The following MAN1A1 variants were observed in gnomAD, a reference collection of about 807,000 sequenced individuals.
MAN1A1 encodes mannosidase alpha class 1A member 1.
A neutral mutation model predicts 70.8 loss-of-function variants in MAN1A1; 29 were observed. That is an observed-to-expected ratio of 0.41 (90% confidence interval 0.31 to 0.56). The LOEUF is 0.56. Ranked by LOEUF, MAN1A1 falls within the 20% of genes least tolerant of loss-of-function variation. The pLI, the probability that MAN1A1 is intolerant of heterozygous loss-of-function variation, is 0.29. For synonymous variants in MAN1A1, 349 were observed against 330.1 expected (o/e 1.06, Z -0.62); for missense variants, 747 against 841.3 (o/e 0.89, Z 1.39).
chr6:119,184,862 T>C (rs1773244734), intron 11 of MAN1A1, among the ~76,000 whole-genome samples: 1 of 152,106 alleles, frequency 6.6e-6, no homozygotes, highest in Admixed American at 6.5e-5. Flanking sequence ...GATGTTTAAA[T>C]GGAAGGAATT....
In MAN1A1 at chr6:119,179,815, C is replaced by CT. The variant is rs757267439; in HGVS notation, c.*3dup. 1.2e-6 allele frequency: 2 copies of CT among 1,609,728 alleles called. No homozygotes were observed. Among genetic ancestry groups the CT allele is most frequent in the South Asian group, 2.2e-5 (2 of 90,956 alleles). ...TGGAGCAGAATAAAATATAAAATGTCTTTTTATTCCTCTCTGATTTCAACT... is the reference window on the plus strand; with the variant it reads ...TGGAGCAGAATAAAATATAAAATGTCTTTTTTATTCCTCTCTGATTTCAACT... On this transcript the variant is annotated 3_prime_UTR_variant, in exon 13 of 13. Coordinates refer to ENST00000368468, the MANE Select transcript of MAN1A1 (RefSeq NM_005907.4).
intron 3 of MAN1A1, among the ~76,000 whole-genome samples, chr6:119,303,592 G>C (rs988382297): frequency 6.6e-6 from 1 of 151,944 alleles, no homozygotes; most frequent in Non-Finnish European, 1.5e-5. Flanking sequence ...GAACATTTAC[G>C]TAACTGTATA....
intron 2 of MAN1A1, among the ~76,000 whole-genome samples, chr6:119,346,492 G>T (rs149013425): frequency 7.6e-4 from 115 of 152,290 alleles, no homozygotes; most frequent in East Asian, 6.7e-3. Flanking sequence ...ACTGCTTTAT[G>T]CAAGACTGAG....
chr6:119,336,474 A>G (rs1473777064), intron 2 of MAN1A1, among the ~76,000 whole-genome samples: 1 of 152,206 alleles, frequency 6.6e-6, no homozygotes, highest in Non-Finnish European at 1.5e-5. Flanking sequence ...GTTGGGCAAT[A>G]CGAGAGAAGT....
At chr6:119,322,240 A>G (rs1036584920) in intron 2 of MAN1A1, among the ~76,000 whole-genome samples, 2 of 152,174 alleles carry the variant, frequency 1.3e-5, no homozygotes, top group African/African-American at 4.8e-5. Flanking sequence ...ACTGGTGTAC[A>G]GCTGTATGTC....
At chr6:119,306,531 G>A (rs1432071434) in intron 3 of MAN1A1, among the ~76,000 whole-genome samples, 1 of 152,152 alleles carries the variant, frequency 6.6e-6, no homozygotes, top group Non-Finnish European at 1.5e-5. Context: ...TAAAGGCACA[G>A]CTTTTACCTA....
intron 5 of MAN1A1, among the ~76,000 whole-genome samples, chr6:119,287,406 ATCT>A (rs1357150124): frequency 2.0e-5 from 3 of 152,132 alleles, no homozygotes; most frequent in African/African-American, 7.2e-5. Context: ...TACATGTGTC[ATCT>A]TCTCTTGCAA....
intron 2 of MAN1A1, among the ~76,000 whole-genome samples, chr6:119,346,547 G>A (rs968648892): frequency 3.9e-5 from 6 of 152,166 alleles, no homozygotes; most frequent in African/African-American, 1.4e-4. Flanking sequence ...CAGAGACTAC[G>A]TAAATCTCGT....
chr6:119,316,949 T>C (rs1772869988), intron 2 of MAN1A1, among the ~76,000 whole-genome samples: 1 of 147,654 alleles, frequency 6.8e-6, no homozygotes, highest in African/African-American at 2.6e-5. Context: ...ATTATTATTA[T>C]TCTTTTTTTT....
At chr6:119,335,439 C>T (rs993109845) in intron 2 of MAN1A1, among the ~76,000 whole-genome samples, 2 of 152,224 alleles carry the variant, frequency 1.3e-5, no homozygotes, top group Admixed American at 1.3e-4. Context: ...CTCTGCCATA[C>T]TGCCTCACAT....
chr6:119,236,649 A>G (rs924268381), intron 6 of MAN1A1, among the ~76,000 whole-genome samples: 1 of 150,026 alleles, frequency 6.7e-6, no homozygotes, highest in Non-Finnish European at 1.5e-5. Context: ...TGGAGGTTGC[A>G]GTGAGTCAAG....
chr6:119,247,039 T>C (rs1775186293), intron 6 of MAN1A1, among the ~76,000 whole-genome samples: 1 of 152,162 alleles, frequency 6.6e-6, no homozygotes, highest in African/African-American at 2.4e-5. Context: ...GGTGTAGATA[T>C]ATAATATACA....
At chr6:119,196,822 T>C (rs369145393) in intron 8 of MAN1A1, among the ~76,000 whole-genome samples, 201 of 152,284 alleles carry the variant, frequency 1.3e-3, no homozygotes, top group African/African-American at 4.6e-3. Context: ...AGACTAGATA[T>C]AGATAGATGG....
intron 5 of MAN1A1, among the ~76,000 whole-genome samples, chr6:119,260,060 A>G (rs1013003955): frequency 1.3e-5 from 2 of 152,184 alleles, no homozygotes; most frequent in African/African-American, 4.8e-5. Context: ...AATTTAATCT[A>G]CATTGTATAC....
At chr6:119,246,416 T>G (rs1240827266) in intron 6 of MAN1A1, among the ~76,000 whole-genome samples, 1 of 152,170 alleles carries the variant, frequency 6.6e-6, no homozygotes, top group African/African-American at 2.4e-5. Context: ...ATGAGAGGCA[T>G]ATGTTCATCG....
At chr6:119,254,247 T>G (rs554287528) in intron 5 of MAN1A1, among the ~76,000 whole-genome samples, 36 of 152,280 alleles carry the variant, frequency 2.4e-4, no homozygotes, top group African/African-American at 8.7e-4. Flanking sequence ...CTACTTCAAA[T>G]GGGGATAGGC....
chr6:119,201,241 T>C lies in MAN1A1; in HGVS notation c.1210+13A>G. 4 of 1,587,958 alleles carry C rather than the reference T, an allele frequency of 2.5e-6. No individual in the cohort carries two copies. Among genetic ancestry groups the C allele is most frequent in the Non-Finnish European group, 3.5e-6 (4 of 1,156,450 alleles). Reference sequence around the variant, plus strand: ...CCAAAAAGAGCTATAATAATGCAAATCTTCTGACTTACGTTGACCCCACTG... The same window carrying C: ...CCAAAAAGAGCTATAATAATGCAAACCTTCTGACTTACGTTGACCCCACTG... On this transcript the variant is annotated intron_variant, in intron 8 of 12. Transcript: ENST00000368468.
chr6:119,213,952 G>A (rs1484177965), intron 6 of MAN1A1, among the ~76,000 whole-genome samples: 2 of 152,080 alleles, frequency 1.3e-5, no homozygotes, highest in African/African-American at 2.4e-5. Context: ...TATTGCAAAT[G>A]TAATGAAATG....
chr6:119,290,782 C>T lies in MAN1A1; in HGVS notation c.817-19G>A. ...CAGCATTCTATGGAAAAAAAAAATTCAAACATGATGATAGTACACAATTCA... is the reference window on the plus strand; with the variant it reads ...CAGCATTCTATGGAAAAAAAAAATTTAAACATGATGATAGTACACAATTCA... On this transcript the variant is annotated intron_variant, in intron 4 of 12. Transcript: ENST00000368468. 6.8e-7 allele frequency: 1 copy of T among 1,478,840 alleles called. No homozygotes were observed. The highest frequency in any genetic ancestry group is 9.4e-7 in the Non-Finnish European group (1 of 1,060,192). 91.6% of individuals were successfully genotyped at this position (1,478,840 alleles called of 1,614,324 possible).
Sources: gnomAD v4.1 joint callset for allele counts (sites outside exome capture counted in the v4.1 genomes callset) on GRCh38, gnomAD v4.1.1 for gene constraint, MANE v1.5 for transcripts, NCBI Gene and HGNC (gene_info 2026-07-23, HGNC 2026-07-21) for gene names.